Variants in GHR observed in about 807,000 individuals in gnomAD.
GHR encodes GH receptor.
Under a neutral mutation model 67.1 loss-of-function variants are expected in GHR, and 35 were observed. The observed-to-expected ratio is 0.52, with a 90% confidence interval of 0.40 to 0.69. The LOEUF (loss-of-function observed/expected upper bound fraction) is 0.69, where lower values mean the gene tolerates loss of function less well. Among genes scored for constraint, GHR ranks in the 30% least tolerant of loss-of-function variants. The probability of loss-of-function intolerance (pLI) is 0.00; values close to 1 mark genes in which losing one functional copy is unlikely to be tolerated. For synonymous variants in GHR, 272 were observed against 269.1 expected, an observed-to-expected ratio of 1.01 and a Z score of -0.10; for missense variants, 792 against 764.6, an observed-to-expected ratio of 1.04 and a Z score of -0.42.
intron 1 of GHR, among the ~76,000 whole-genome samples, chr5:42,558,033 C>G (rs1749406782): frequency 1.3e-5 from 2 of 152,120 alleles, no homozygotes; most frequent in African/African-American, 4.8e-5. Context: ...ATTTACATCA[C>G]AGAAATTGGC....
intron 1 of GHR, among the ~76,000 whole-genome samples, chr5:42,518,595 C>T (rs533651445): frequency 6.6e-6 from 1 of 152,240 alleles, no homozygotes; most frequent in South Asian, 2.1e-4. Flanking sequence ...AGCAGAGTGC[C>T]CAACCTCTCT....
chr5:42,487,966 G>A (rs1283857407), intron 1 of GHR, among the ~76,000 whole-genome samples: 3 of 152,146 alleles, frequency 2.0e-5, no homozygotes, highest in African/African-American at 7.2e-5. Flanking sequence ...TGGGAACTGA[G>A]GACAGCTGCT....
At chr5:42,470,507 T>C (rs1274341311) in intron 1 of GHR, among the ~76,000 whole-genome samples, 1 of 152,186 alleles carries the variant, frequency 6.6e-6, no homozygotes, top group Non-Finnish European at 1.5e-5. Flanking sequence ...ATAACAGTTA[T>C]GCAGATGTTC....
chr5:42,717,816 A>G (rs1040317950), intron 8 of GHR, among the ~76,000 whole-genome samples: 1 of 151,078 alleles, frequency 6.6e-6, no homozygotes, highest in African/African-American at 2.5e-5. Flanking sequence ...TTTTCTTTTA[A>G]TAGACTTCAG....
chr5:42,575,401 T>C (rs1247285051), intron 2 of GHR, among the ~76,000 whole-genome samples: 1 of 151,988 alleles, frequency 6.6e-6, no homozygotes, highest in African/African-American at 2.4e-5. Context: ...CCTATGAAAG[T>C]GAATTATTAG....
chr5:42,467,652 G>A (rs1245252369), intron 1 of GHR: 36 of 1,605,860 alleles, frequency 2.2e-5, no homozygotes, highest in Non-Finnish European at 3.1e-5. Flanking sequence ...TCTGTCCAGT[G>A]TGGATTCTCT....
At chr5:42,602,170 G>C (rs1208931352) in intron 2 of GHR, among the ~76,000 whole-genome samples, 1 of 152,106 alleles carries the variant, frequency 6.6e-6, no homozygotes. Flanking sequence ...GTGTATGTGT[G>C]TGGTAAGAGC....
Position 42,719,496 on chromosome 5 carries a change from A to G in GHR, c.*72A>G. On this transcript the variant is annotated 3_prime_UTR_variant, in exon 10 of 10. Transcript: ENST00000230882. Reference sequence around the variant, plus strand: ...GACTGGGGCAATAACGTTTAAGCCAAAACAATGTTTAAACCTTTTTTGGGG... The same window carrying G: ...GACTGGGGCAATAACGTTTAAGCCAGAACAATGTTTAAACCTTTTTTGGGG... 1 of 1,465,084 alleles carries G rather than the reference A, an allele frequency of 6.8e-7. No homozygotes were observed. Among genetic ancestry groups the G allele is most frequent in the African/African-American group, 1.4e-5 (1 of 72,352 alleles). The allele number at this position is 1,465,084 out of a possible 1,614,324, so 90.8% of individuals were successfully genotyped here.
chr5:42,619,788 A>G (rs1753346859), intron 2 of GHR: 2 of 152,164 alleles, frequency 1.3e-5, no homozygotes, highest in Non-Finnish European at 2.9e-5. Context: ...CTTTGCCCAT[A>G]GAGGGAAAAA....
At chr5:42,482,881 CCA>C (rs1451395702) in intron 1 of GHR, among the ~76,000 whole-genome samples, 1 of 152,168 alleles carries the variant, frequency 6.6e-6, no homozygotes, top group Non-Finnish European at 1.5e-5. Context: ...TGTGCTGCAC[CCA>C]CTGTCCTGCA....
chr5:42,438,359 T>C (rs1387520329), intron 1 of GHR, among the ~76,000 whole-genome samples: 1 of 152,196 alleles, frequency 6.6e-6, no homozygotes, highest in Non-Finnish European at 1.5e-5. Flanking sequence ...CCACTGCCTA[T>C]GTGATGGTTC....
intron 3 of GHR, among the ~76,000 whole-genome samples, chr5:42,635,098 G>C (rs1180254328): frequency 2.0e-5 from 3 of 151,860 alleles, no homozygotes; most frequent in Admixed American, 1.3e-4. Context: ...ATTATTGACA[G>C]TCTACTTGTT....
At chr5:42,598,284 C>A (rs1752185952) in intron 2 of GHR, among the ~76,000 whole-genome samples, 2 of 152,184 alleles carry the variant, frequency 1.3e-5, no homozygotes, top group Non-Finnish European at 2.9e-5. Context: ...TTGTTGAGGG[C>A]ATTTTATGCC....
At chr5:42,432,341 C>T (rs1743130512) in intron 1 of GHR, among the ~76,000 whole-genome samples, 1 of 152,120 alleles carries the variant, frequency 6.6e-6, no homozygotes, top group South Asian at 2.1e-4. Flanking sequence ...ATAGTTCTTT[C>T]CCTGTGCTTA....
At chr5:42,455,370 T>C (rs1269206492) in intron 1 of GHR, among the ~76,000 whole-genome samples, 1 of 152,142 alleles carries the variant, frequency 6.6e-6, no homozygotes, top group African/African-American at 2.4e-5. Context: ...CACTGTTCTG[T>C]CCATCCAAGC....
intron 1 of GHR, among the ~76,000 whole-genome samples, chr5:42,481,533 C>T (rs565829858): frequency 9.2e-5 from 14 of 152,290 alleles, no homozygotes; most frequent in African/African-American, 3.1e-4. Context: ...ACCAATCAGA[C>T]GTAGATTTGG....
intron 3 of GHR, among the ~76,000 whole-genome samples, chr5:42,636,306 C>T (rs1754189177): frequency 6.6e-6 from 1 of 151,676 alleles, no homozygotes; most frequent in East Asian, 1.9e-4. Flanking sequence ...TATATACTGA[C>T]TTCTAGCATG....
At chr5:42,590,614 T>C (rs566091943) in intron 2 of GHR, among the ~76,000 whole-genome samples, 22 of 152,228 alleles carry the variant, frequency 1.4e-4, no homozygotes, top group Non-Finnish European at 3.1e-4. Context: ...TGGAGGATGT[T>C]AAAAAGTGTT....
intron 2 of GHR, among the ~76,000 whole-genome samples, chr5:42,610,162 C>T (rs1752822157): frequency 6.6e-6 from 1 of 152,120 alleles, no homozygotes; most frequent in Non-Finnish European, 1.5e-5. Context: ...GTAAGGATAG[C>T]ATGTTCAAGG....
Sources: allele counts gnomAD v4.1 joint callset (sites outside exome capture counted in the v4.1 genomes callset), GRCh38; gene constraint gnomAD v4.1.1; transcripts MANE v1.5; gene names NCBI Gene and HGNC (gene_info 2026-07-23, HGNC 2026-07-21).